DBNL: variants seen among roughly 807,000 people sequenced by gnomAD.
DBNL encodes drebrin-like protein.
In DBNL, 35 loss-of-function variants were observed where a neutral mutation model predicts 62.2. The observed-to-expected ratio is 0.56, with a 90% CI of 0.43 to 0.75. The LOEUF (loss-of-function observed/expected upper bound fraction) is 0.75. DBNL is among the 30% of genes least tolerant of loss of function. DBNL has a pLI of 0.00. For synonymous variants in DBNL, 197 were observed against 218.0 expected (o/e 0.90, Z 0.85); for missense variants, 495 against 578.4 (o/e 0.86, Z 1.48).
intron 1 of DBNL, among the ~76,000 whole-genome samples, chr7:44,048,460 A>C (rs2096121069): frequency 6.6e-6 from 1 of 152,054 alleles, no homozygotes; most frequent in African/African-American, 2.4e-5. Flanking sequence ...TCTCTCCTGT[A>C]TTCTGTCTCC....
At position 44,044,774 on chromosome 7, in the gene DBNL, C is replaced by T; in HGVS notation, c.37C>T (p.Gln13Ter). ...CCTGAGCCGGAACGGGCCAGCGCTGCAAGAGGCCTACGTGCGGGTGGTCAC... is the reference window on the plus strand; with the variant it reads ...CCTGAGCCGGAACGGGCCAGCGCTGTAAGAGGCCTACGTGCGGGTGGTCAC... ...ANLSRNGPALQEAYVRVVTEK... is the reference protein window; with the variant it reads ...ANLSRNGPAL Residue 13 changes from glutamine (Q) to a stop codon, truncating the protein, a stop_gained, in exon 1 of 13, where the codon CAA becomes TAA. Coordinates refer to ENST00000448521, the MANE Select transcript of DBNL (RefSeq NM_001014436.3). LOFTEE classifies it high-confidence loss of function. 6.6e-7 allele frequency: 1 copy of T among 1,506,646 alleles called. No individual in the cohort carries two copies. 93.3% of individuals were successfully genotyped at this position (1,506,646 alleles called of 1,614,324 possible).
In DBNL at chr7:44,061,084, C is replaced by T. The variant is rs2096148122; in HGVS notation, c.*168C>T. On this transcript the variant is annotated 3_prime_UTR_variant, in exon 13 of 13. Transcript: ENST00000448521. ...CAGACTCAGCCTGTCACCCCAAATG[C>T]AGCAATGGCCTGGTGATTCCCACAC... 2.4e-6 allele frequency: 2 copies of T among 847,238 alleles called. No homozygotes were observed. Among genetic ancestry groups the T allele is most frequent in the African/African-American group, 1.7e-5 (1 of 58,262 alleles). 52.5% of individuals were successfully genotyped at this position (847,238 alleles called of 1,614,324 possible). A position where few individuals can be genotyped will look rare whatever the true frequency, so the allele number is the denominator to read the frequency against.
At chr7:44,045,753 C>A (rs2096116199) in intron 1 of DBNL, among the ~76,000 whole-genome samples, 1 of 152,234 alleles carries the variant, frequency 6.6e-6, no homozygotes, top group South Asian at 2.1e-4. Flanking sequence ...GTGCCCAGCA[C>A]AGAGCGGCTT....
At position 44,050,142 on chromosome 7, in the gene DBNL, G is replaced by A; in HGVS notation, c.84-83G>A. The A allele has an allele frequency of 4.1e-6, 6 of 1,475,680 alleles. No individual in the cohort carries two copies. In the South Asian group the frequency reaches 6.8e-5, roughly 17 times the overall value. 91.4% of individuals were successfully genotyped at this position (1,475,680 alleles called of 1,614,324 possible). Reference sequence around the variant, plus strand: ...ACTGTCAGCCCAAGCTCTTTGGGATGTAGTGGAAAGTCATGGTGGATACGG... The same window carrying A: ...ACTGTCAGCCCAAGCTCTTTGGGATATAGTGGAAAGTCATGGTGGATACGG... On this transcript the variant is annotated intron_variant, in intron 1 of 12. Coordinates refer to ENST00000448521, the MANE Select transcript of DBNL (RefSeq NM_001014436.3).
chr7:44,054,570 T>C (rs1585986342), intron 4 of DBNL, among the ~76,000 whole-genome samples: 1 of 152,256 alleles, frequency 6.6e-6, no homozygotes, highest in African/African-American at 2.4e-5. Context: ...CTGTATACAA[T>C]GTATACGATG....
At position 44,066,019 on chromosome 7, in the gene DBNL, G is replaced by C; in HGVS notation, c.*5103G>C. 1 of 266,038 alleles carries C rather than the reference G, an allele frequency of 3.8e-6. No homozygotes were observed. Among genetic ancestry groups the C allele is most frequent in the Admixed American group, 4.8e-5 (1 of 20,836 alleles). 16.5% of individuals were successfully genotyped at this position (266,038 alleles called of 1,614,324 possible). A position where few individuals can be genotyped will look rare whatever the true frequency, so the allele number is the denominator to read the frequency against. On this transcript the variant is annotated 3_prime_UTR_variant, in exon 13 of 13. Transcript: ENST00000448521. ...GCGGCCCTCAGCAGGCAGAGGAGGA[G>C]AGCCAGAGGAGCTGGTGCAGACCAC...
rs538299290 is a variant in DBNL at position 44,063,065 on chromosome 7, A to G, written c.*2149A>G. On this transcript the variant is annotated 3_prime_UTR_variant, in exon 13 of 13. Coordinates refer to ENST00000448521, the MANE Select transcript of DBNL (RefSeq NM_001014436.3). ...CCTTCCCAGCCCTGAGAACGAGGCC[A>G]CAGAAATGTTGCCAAAGGTCAAGGA... is the stretch of plus-strand genomic sequence containing the variant. The G allele has an allele frequency of 6.4e-6, 6 of 941,880 alleles. No individual in the cohort carries two copies. Among genetic ancestry groups the G allele is most frequent in the African/African-American group, 1.6e-5 (1 of 61,874 alleles). 58.3% of individuals were successfully genotyped at this position (941,880 alleles called of 1,614,324 possible).
chr7:44,051,782 C>T, intron 2 of DBNL, 48 bp from the exon 3 acceptor site: 3 of 1,585,490 alleles, frequency 1.9e-6, no homozygotes, highest in Non-Finnish European at 2.6e-6. Context: ...CCAGGGCCAG[C>T]AGGGAATGTC....
intron 4 of DBNL, 91 bp downstream of exon 4, chr7:44,053,032 A>G: frequency 6.7e-7 from 1 of 1,493,286 alleles, no homozygotes; most frequent in Non-Finnish European, 9.0e-7. Flanking sequence ...GGGAATCAGA[A>G]CTGGAGTTGG....
rs1273734383 is a variant in DBNL at position 44,065,531 on chromosome 7, G to C, written c.*4615G>C. ...CATCACGAGGCGGTGAGTGGCCATG[G>C]TGGCAGCAGGGACCACAGAGGACTC... On this transcript the variant is annotated 3_prime_UTR_variant, in exon 13 of 13. Coordinates refer to ENST00000448521, the MANE Select transcript of DBNL (RefSeq NM_001014436.3). 1 of 1,613,660 alleles carries C rather than the reference G, an allele frequency of 6.2e-7. No individual in the cohort carries two copies. The highest frequency in any genetic ancestry group is 1.7e-5 in the Admixed American group (1 of 60,004).
rs541476084 is a variant in DBNL, at chr7:44,052,740, A to C, written c.253-127A>C. 1,057 of 1,094,888 alleles carry C rather than the reference A, an allele frequency of 9.7e-4. 22 individuals are homozygous for C. The South Asian group carries it at 0.015, about 15-fold the overall frequency. 67.8% of individuals were successfully genotyped at this position (1,094,888 alleles called of 1,614,324 possible). On this transcript the variant is annotated intron_variant, in intron 3 of 12. Coordinates refer to ENST00000448521, the MANE Select transcript of DBNL (RefSeq NM_001014436.3). Reference sequence around the variant, plus strand: ...ACCTCACCCATGTGATGCAGTCAGAAGAATAGGTTCTGCTTTGGGGGTTGC... The same window carrying C: ...ACCTCACCCATGTGATGCAGTCAGACGAATAGGTTCTGCTTTGGGGGTTGC...
rs1349605202 is a variant in DBNL, at chr7:44,067,529, C to G, written c.*6613C>G. Reference sequence around the variant, plus strand: ...GGGAGCCCAAAGAAGGGCTGGACTTCGGGGAAGCAAGCCCCTGCTTCTGAC... The same window carrying G: ...GGGAGCCCAAAGAAGGGCTGGACTTGGGGGAAGCAAGCCCCTGCTTCTGAC... On this transcript the variant is annotated 3_prime_UTR_variant, in exon 13 of 13. Transcript: ENST00000448521. The G allele has an allele frequency of 6.6e-6, 1 of 152,222 alleles. No individual in the cohort carries two copies. The highest frequency in any genetic ancestry group is 2.4e-5 in the African/African-American group (1 of 41,456). 9.4% of individuals were successfully genotyped at this position (152,222 alleles called of 1,614,324 possible). A position where few individuals can be genotyped will look rare whatever the true frequency, so the allele number is the denominator to read the frequency against.
At chr7:44,048,050 G>A (rs1367158188) in intron 1 of DBNL, among the ~76,000 whole-genome samples, 2 of 151,994 alleles carry the variant, frequency 1.3e-5, no homozygotes, top group Non-Finnish European at 2.9e-5. Context: ...CCAAGTAGCT[G>A]GGATTACAGG....
At position 44,065,384 on chromosome 7, in the gene DBNL, T is replaced by C; in HGVS notation, c.*4468T>C. 2 of 1,614,104 alleles carry C rather than the reference T, an allele frequency of 1.2e-6. No homozygotes were observed. Among genetic ancestry groups the C allele is most frequent in the East Asian group, 2.2e-5 (1 of 44,890 alleles). On this transcript the variant is annotated 3_prime_UTR_variant, in exon 13 of 13. Transcript: ENST00000448521. ...CGTGTAGCAGATGTCAAACTCCATC[T>C]TGGCATCCTTGATGGCCTTGGCTCC...
rs749583250 is a variant in DBNL at position 44,065,565 on chromosome 7, G to A, written c.*4649G>A. 6.2e-7 allele frequency: 1 copy of A among 1,601,750 alleles called. No individual in the cohort carries two copies. Among genetic ancestry groups the A allele is most frequent in the South Asian group, 1.1e-5 (1 of 90,848 alleles). On this transcript the variant is annotated 3_prime_UTR_variant, in exon 13 of 13. Transcript: ENST00000448521. Reference sequence around the variant, plus strand: ...GGGACCACAGAGGACTCTGGACGGGGACGGCTGCTTCCCAACACTCCCAGC... The same window carrying A: ...GGGACCACAGAGGACTCTGGACGGGAACGGCTGCTTCCCAACACTCCCAGC...
chr7:44,046,322 C>G (rs995444734), intron 1 of DBNL, among the ~76,000 whole-genome samples: 1 of 152,238 alleles, frequency 6.6e-6, no homozygotes, highest in African/African-American at 2.4e-5. Context: ...CACTCCTCAT[C>G]TATCTCCCTT....
Position 44,059,804 on chromosome 7 carries a change from G to A in DBNL, c.1047+146G>A, listed in dbSNP as rs1220001043. The A allele has an allele frequency of 7.9e-6, 7 of 889,556 alleles. No homozygotes were observed. The East Asian group carries it at 1.9e-4, about 24-fold the overall frequency. 55.1% of individuals were successfully genotyped at this position (889,556 alleles called of 1,614,324 possible). On this transcript the variant is annotated intron_variant, in intron 11 of 12. Transcript: ENST00000448521. The surrounding 1 kb of genome is among the most constrained non-coding windows in gnomAD (Gnocchi z 4.1). ...CAGCCCTGTGTTATAAATTGTCAGG[G>A]CACGCCCCACTCTATAGGAGGTGCT...
intron 7 of DBNL, 68 bp downstream of exon 7, chr7:44,058,348 C>G: frequency 6.2e-7 from 1 of 1,605,510 alleles, no homozygotes; most frequent in Non-Finnish European, 8.5e-7. Flanking sequence ...TGCTCCATCC[C>G]ATGGAGGCGA....
At chr7:44,048,929 A>G (rs985025438) in intron 1 of DBNL, among the ~76,000 whole-genome samples, 2 of 152,186 alleles carry the variant, frequency 1.3e-5, no homozygotes, top group African/African-American at 4.8e-5. Flanking sequence ...ATCATGGCTC[A>G]CTGTAGCCTC....
Sources: allele counts gnomAD v4.1 joint callset (sites outside exome capture counted in the v4.1 genomes callset), GRCh38; gene constraint gnomAD v4.1.1; non-coding constraint Gnocchi (gnomAD v3.1); transcripts MANE v1.5; gene names NCBI Gene and HGNC (gene_info 2026-07-23, HGNC 2026-07-21).